The following PLPP4 variants were observed in gnomAD, a reference collection of about 807,000 sequenced individuals.
PLPP4 encodes the protein phospholipid phosphatase 4.
In PLPP4, 20 loss-of-function variants were observed where a neutral mutation model predicts 32.2. The observed-to-expected ratio is 0.62, with a 90% CI of 0.44 to 0.90. The LOEUF (loss-of-function observed/expected upper bound fraction) is 0.90, where lower values mean the gene tolerates loss of function less well. Among genes scored for constraint, PLPP4 ranks in the 40% least tolerant of loss-of-function variants. The probability of loss-of-function intolerance (pLI) is 0.00; values close to 1 mark genes in which losing one functional copy is unlikely to be tolerated. For missense variants in PLPP4, 257 were observed against 353.1 expected (o/e 0.73, Z 2.18); for synonymous variants, 127 against 133.0 (o/e 0.95, Z 0.31).
chr10:120,569,837 G>A lies in PLPP4; in HGVS notation c.446-5294G>A, dbSNP rs192955839. On this transcript the variant is annotated intron_variant, in intron 5 of 6. Transcript: ENST00000398250. ...CCTCCTATTGTCAGGCAGTGTGTTC[G>A]GTCCTAGAGCTTCAACAGTGACCCT... 7.2e-5 allele frequency among the ~76,000 whole-genome samples: 11 copies of A among 152,276 alleles called. No homozygotes were observed. In the East Asian group the frequency reaches 1.2e-3, roughly 16 times the overall value.
intron 5 of PLPP4, among the ~76,000 whole-genome samples, chr10:120,542,759 A>G (rs908567814): frequency 6.6e-6 from 1 of 152,172 alleles, no homozygotes; most frequent in Non-Finnish European, 1.5e-5. Flanking sequence ...TGCAGTAACA[A>G]TCTCTAAACC....
chr10:120,560,408 A>G (rs1848377900), intron 5 of PLPP4, among the ~76,000 whole-genome samples: 1 of 152,136 alleles, frequency 6.6e-6, no homozygotes, highest in South Asian at 2.1e-4. Flanking sequence ...AACACCTTAT[A>G]CATTTTCTGA....
intron 3 of PLPP4, 83 bp from the exon 4 acceptor site, chr10:120,518,750 A>T: frequency 9.5e-7 from 1 of 1,057,018 alleles, no homozygotes; most frequent in Non-Finnish European, 1.5e-6. Flanking sequence ...ATAATGTAAC[A>T]GTGATGATGA....
chr10:120,584,925 G>A (rs901036225), intron 6 of PLPP4, among the ~76,000 whole-genome samples: 1 of 152,180 alleles, frequency 6.6e-6, no homozygotes, highest in Non-Finnish European at 1.5e-5. Context: ...TCATTTCCAT[G>A]CATGCTGCTA....
At chr10:120,518,964 G>C in intron 4 of PLPP4, 68 bp downstream of exon 4, 2 of 1,266,494 alleles carry the variant, frequency 1.6e-6, no homozygotes, top group South Asian at 1.3e-5. Context: ...AGCTGGGCCA[G>C]AGGACACTGG....
rs143556914 is a variant in PLPP4, at chr10:120,462,505, G to A, written c.56+5144G>A. Among the ~76,000 whole-genome samples, 240 of 152,306 alleles carry A rather than the reference G, an allele frequency of 1.6e-3. 1 individual carries two copies. Among genetic ancestry groups the A allele is most frequent in the Admixed American group, 0.01 (158 of 15,304 alleles). Reference sequence around the variant, plus strand: ...CCAGGACAAGTACTGTCTGCACTGCGTTGTGGTCAGCCATCTGCATCTTTA... The same window carrying A: ...CCAGGACAAGTACTGTCTGCACTGCATTGTGGTCAGCCATCTGCATCTTTA... On this transcript the variant is annotated intron_variant, in intron 1 of 6. Coordinates refer to ENST00000398250, the MANE Select transcript of PLPP4 (RefSeq NM_001030059.3).
At chr10:120,526,151 G>T (rs565156017) in intron 5 of PLPP4, among the ~76,000 whole-genome samples, 1 of 151,960 alleles carries the variant, frequency 6.6e-6, no homozygotes, top group South Asian at 2.1e-4. Flanking sequence ...TTTTTATTAT[G>T]ATTTTTATAT....
chr10:120,476,651 T>G (rs1432134940), intron 1 of PLPP4, among the ~76,000 whole-genome samples: 1 of 152,156 alleles, frequency 6.6e-6, no homozygotes, highest in Non-Finnish European at 1.5e-5. Context: ...TCCAGTCTAG[T>G]GGTGATGATC....
intron 1 of PLPP4, among the ~76,000 whole-genome samples, chr10:120,478,811 C>G (rs1298558272): frequency 6.6e-6 from 1 of 152,242 alleles, no homozygotes; most frequent in Non-Finnish European, 1.5e-5. Context: ...AGCCAGTCTG[C>G]TGGTGTTGGA....
chr10:120,470,173 G>A (rs1447662913), intron 1 of PLPP4, among the ~76,000 whole-genome samples: 1 of 152,192 alleles, frequency 6.6e-6, no homozygotes, highest in Non-Finnish European at 1.5e-5. Context: ...TGTAACATTT[G>A]CTTCACTTTG....
intron 5 of PLPP4, among the ~76,000 whole-genome samples, chr10:120,528,566 C>G (rs957885851): frequency 6.6e-6 from 1 of 152,164 alleles, no homozygotes; most frequent in Non-Finnish European, 1.5e-5. Flanking sequence ...AAGATCCCCT[C>G]ATGGTTTTTT....
chr10:120,484,455 C>T (rs1448094327), intron 1 of PLPP4, among the ~76,000 whole-genome samples: 2 of 152,158 alleles, frequency 1.3e-5, no homozygotes, highest in African/African-American at 2.4e-5. Flanking sequence ...TCCTGCTGCA[C>T]CATCCCATGG....
chr10:120,495,237 T>G (rs1844907451), intron 1 of PLPP4, among the ~76,000 whole-genome samples: 1 of 152,238 alleles, frequency 6.6e-6, no homozygotes, highest in South Asian at 2.1e-4. Flanking sequence ...ATGAGATGTC[T>G]GCAATATCAT....
chr10:120,497,824 A>G (rs1349032071), intron 1 of PLPP4, among the ~76,000 whole-genome samples: 1 of 152,066 alleles, frequency 6.6e-6, no homozygotes, highest in African/African-American at 2.4e-5. Flanking sequence ...GCAGATCACG[A>G]GGTCAGGGGA....
At chr10:120,548,347 G>T (rs1057283068) in intron 5 of PLPP4, among the ~76,000 whole-genome samples, 14 of 152,054 alleles carry the variant, frequency 9.2e-5, no homozygotes, top group African/African-American at 2.9e-4. Flanking sequence ...TTCTATTTCT[G>T]CATTAGTTTG....
At chr10:120,470,536 G>A (rs374195911) in intron 1 of PLPP4, among the ~76,000 whole-genome samples, 7 of 151,916 alleles carry the variant, frequency 4.6e-5, no homozygotes, top group African/African-American at 1.7e-4. Flanking sequence ...CTGTATTATC[G>A]AGTATTTTAC....
intron 6 of PLPP4, among the ~76,000 whole-genome samples, chr10:120,583,365 G>T (rs963770031): frequency 1.3e-5 from 2 of 151,920 alleles, no homozygotes; most frequent in Non-Finnish European, 2.9e-5. Flanking sequence ...CAGGCTGCCT[G>T]ATTGAAAGTC....
chr10:120,537,982 A>C (rs1847109854), intron 5 of PLPP4, among the ~76,000 whole-genome samples: 1 of 105,622 alleles, frequency 9.5e-6, no homozygotes, highest in Admixed American at 1.1e-4. Flanking sequence ...GTTCAGAACC[A>C]CCAGGCCCTT....
chr10:120,521,193 T>C, intron 5 of PLPP4, 98 bp downstream of exon 5: 3 of 1,422,240 alleles, frequency 2.1e-6, no homozygotes, highest in Non-Finnish European at 2.9e-6. Context: ...GGTACAGGAA[T>C]GTTAAGCGCA....
Sources: allele counts gnomAD v4.1 joint callset (sites outside exome capture counted in the v4.1 genomes callset), GRCh38; gene constraint gnomAD v4.1.1; transcripts MANE v1.5; gene names NCBI Gene and HGNC (gene_info 2026-07-23, HGNC 2026-07-21).